Variants in NUP205 observed in about 807,000 individuals in gnomAD.
NUP205 encodes nuclear pore complex protein Nup205.
NUP205 carries 76 observed loss-of-function variants against 253.8 expected under a neutral mutation model. That is an observed-to-expected ratio of 0.30 (90% CI 0.25 to 0.36). The LOEUF is 0.36. Ranked by LOEUF, NUP205 falls within the 10% of genes least tolerant of loss-of-function variation. The pLI is 1.00. For synonymous variants in NUP205, 832 were observed against 850.1 expected, an observed-to-expected ratio of 0.98 and a Z score of 0.37; for missense variants, 2,162 against 2,425.5, an observed-to-expected ratio of 0.89 and a Z score of 2.28.
intron 10 of NUP205, 62 bp from the exon 11 acceptor site, chr7:135,591,388 G>C: frequency 7.0e-7 from 1 of 1,427,234 alleles, no homozygotes; most frequent in Non-Finnish European, 9.9e-7. Flanking sequence ...TTATTAGCTA[G>C]TCCGTGTTGC....
At position 135,625,177 on chromosome 7, in the gene NUP205, C is replaced by T. The variant is rs760298411; in HGVS notation, c.4493C>T (p.Ala1498Val). The T allele has an allele frequency of 6.2e-7, 1 of 1,612,466 alleles. No homozygotes were observed. The change falls in exon 32 of 43, where the codon GCT (alanine) becomes GTT (valine). Residue 1498 changes from alanine to valine, a missense_variant. This residue lies in a region of NUP205 where 1,144 missense variants were observed against 1,280.9 expected (regional missense o/e 0.89). Transcript: ENST00000285968. ...TTCTTCCTTCAGATGCTGGCCCTGG[C>T]TCTACTTGATAGAATTGTCTCCGTG... ...GHEIGRMLAL[A>V]LLDRIVSVDK...
At position 135,644,956 on chromosome 7, in the gene NUP205, T is replaced by C. The variant is rs770642136; in HGVS notation, c.5621T>C (p.Leu1874Pro). ...ATCTCCACTGCTCAGAAATATGTTC[T>C]AGCAAGACGGCGCTTGGTGAAGGTG... ...DKISTAQKYVLARRRLVKVIN... is the reference protein window; with the variant it reads ...DKISTAQKYVPARRRLVKVIN... Residue 1874 changes from leucine (L) to proline (P), a missense_variant, in exon 40 of 43, where the codon CTA (leucine) becomes CCA (proline). Physicochemically the swap from Leu to Pro is moderately conservative, Grantham distance 98 (BLOSUM62 -3). This residue lies in a region of NUP205 where 1,144 missense variants were observed against 1,280.9 expected (regional missense o/e 0.89). Coordinates refer to ENST00000285968, the MANE Select transcript of NUP205 (RefSeq NM_015135.3). The C allele has an allele frequency of 6.2e-7, 1 of 1,614,142 alleles. No individual in the cohort carries two copies. The highest frequency in any genetic ancestry group is 1.7e-5 in the Admixed American group (1 of 60,024).
rs1371164530 is a variant in NUP205, at chr7:135,578,935, T to C, written c.1042+20T>C. ...TGACAGGTGAATTGATTGTAGGTAA[T>C]TTTGTTATGAGAAACAGCATGTTAG... On this transcript the variant is annotated intron_variant, in intron 7 of 42. Coordinates refer to ENST00000285968, the MANE Select transcript of NUP205 (RefSeq NM_015135.3). The C allele has an allele frequency of 1.9e-6, 3 of 1,563,634 alleles. No homozygotes were observed. Among genetic ancestry groups the C allele is most frequent in the Non-Finnish European group, 2.6e-6 (3 of 1,158,372 alleles).
intron 27 of NUP205, 127 bp downstream of exon 27, chr7:135,617,809 G>A: frequency 4.1e-6 from 2 of 486,954 alleles, no homozygotes; most frequent in South Asian, 4.3e-5. Flanking sequence ...AAACATTTAG[G>A]GAGTCTTTCA....
rs182507826 is a variant in NUP205, at chr7:135,621,851, G to A, written c.4331-926G>A. ...AGAGCTTCACTCTGTAGCCCAAGCTGGAGTACAGCGGTGCGATCTCAGCTC... is the reference window on the plus strand; with the variant it reads ...AGAGCTTCACTCTGTAGCCCAAGCTAGAGTACAGCGGTGCGATCTCAGCTC... On this transcript the variant is annotated intron_variant, in intron 30 of 42. Coordinates refer to ENST00000285968, the MANE Select transcript of NUP205 (RefSeq NM_015135.3). 1.2e-3 allele frequency among the ~76,000 whole-genome samples: 175 copies of A among 152,162 alleles called. 1 individual carries two copies. The highest frequency in any genetic ancestry group is 4.1e-3 in the African/African-American group (169 of 41,532).
rs771556715 is a variant in NUP205 at position 135,619,506 on chromosome 7, C to A, written c.4047C>A (p.Ala1349=). Residue 1349 remains alanine, a synonymous_variant, in exon 29 of 43, where the codon GCC becomes GCA. Coordinates refer to ENST00000285968, the MANE Select transcript of NUP205 (RefSeq NM_015135.3). Reference sequence around the variant, plus strand: ...CACTGACTGCTCACCTAAGCCAGGCCGTCCTCACTGAACAGAAGGAAACAT... The same window carrying A: ...CACTGACTGCTCACCTAAGCCAGGCAGTCCTCACTGAACAGAAGGAAACAT... ...VFTLTAHLSQ[A]VLTEQKETSV... is the part of the protein sequence containing the mutation. The A allele has an allele frequency of 1.2e-6, 2 of 1,613,914 alleles. No individual in the cohort carries two copies. The highest frequency in any genetic ancestry group is 1.3e-5 in the African/African-American group (1 of 74,882).
chr7:135,588,054 G>A, intron 10 of NUP205, 62 bp downstream of exon 10: 10 of 1,409,208 alleles, frequency 7.1e-6, no homozygotes, highest in Non-Finnish European at 9.5e-6. Flanking sequence ...TTGAAAACAT[G>A]AAAGATATTA....
chr7:135,619,648 T>C lies in NUP205; in HGVS notation c.4189T>C (p.Tyr1397His), dbSNP rs775621523. 6 of 1,614,024 alleles carry C rather than the reference T, an allele frequency of 3.7e-6. No individual in the cohort carries two copies. In the Admixed American group the frequency reaches 6.7e-5, roughly 18 times the overall value. Residue 1397 changes from tyrosine to histidine, a missense_variant, in exon 29 of 43, where the codon TAC becomes CAC. Tyr to His is a moderately conservative substitution (Grantham distance 83, BLOSUM62 2). This residue lies in a region of NUP205 where 1,144 missense variants were observed against 1,280.9 expected (regional missense o/e 0.89). Transcript: ENST00000285968. ...GFASIGDSSL[Y>H]IILKKLLDFI... ...TGCTTCTATTGGAGATTCTTCACTT[T>C]ACATCATATTGAAGAAACTGTTAGA...
chr7:135,595,225 G>T (rs1001033538), intron 13 of NUP205, among the ~76,000 whole-genome samples: 24 of 143,012 alleles, frequency 1.7e-4, no homozygotes, highest in East Asian at 1.2e-3. Flanking sequence ...ACTGATTTTT[G>T]TTTTTTTTTT....
chr7:135,591,297 T>C (rs1410252869), intron 10 of NUP205, among the ~76,000 whole-genome samples, 153 bp from the exon 11 acceptor site: 2 of 152,242 alleles, frequency 1.3e-5, no homozygotes, highest in Non-Finnish European at 2.9e-5. Flanking sequence ...GCTTAAACAA[T>C]TTTTCATAAA....
intron 2 of NUP205, among the ~76,000 whole-genome samples, 186 bp downstream of exon 2, chr7:135,571,433 G>A (rs539872341): frequency 8.4e-4 from 127 of 150,612 alleles, no homozygotes; most frequent in African/African-American, 3.0e-3. Context: ...AAAAGACAGG[G>A]TCTAACTTTG....
chr7:135,576,375 T>A lies in NUP205; in HGVS notation c.449T>A (p.Ile150Lys). Residue 150 changes from isoleucine to lysine, a missense_variant, in exon 4 of 43, where the codon ATA (isoleucine) becomes AAA (lysine). Physicochemically the swap from Ile to Lys is moderately radical, Grantham distance 102 (BLOSUM62 -3). Transcript: ENST00000285968. Reference protein sequence around the residue: ...RCIANSLKALIQSRRGKTWTL... With the variant: ...RCIANSLKALKQSRRGKTWTL... ...ATTGCGAATTCCTTGAAAGCCTTGATACAGTCTAGACGGGGAAAGACATGG... is the reference window on the plus strand; with the variant it reads ...ATTGCGAATTCCTTGAAAGCCTTGAAACAGTCTAGACGGGGAAAGACATGG... The A allele has an allele frequency of 6.2e-7, 1 of 1,613,944 alleles. No homozygotes were observed. Among genetic ancestry groups the A allele is most frequent in the Non-Finnish European group, 8.5e-7 (1 of 1,179,900 alleles).
intron 35 of NUP205, among the ~76,000 whole-genome samples, chr7:135,631,728 AT>A (rs35634535): frequency 0.44 from 64,302 of 145,498 alleles, 14,164 homozygotes; most frequent in Non-Finnish European, 0.49. Flanking sequence ...ATCTCTTGGT[AT>A]TTTTTTTTTT....
At chr7:135,590,778 G>A (rs138963892) in intron 10 of NUP205, among the ~76,000 whole-genome samples, 1,725 of 151,486 alleles carry the variant, frequency 0.011, 23 homozygotes, top group African/African-American at 0.039. Context: ...TGATCTGCCC[G>A]CCTTGGCCTC....
intron 35 of NUP205, among the ~76,000 whole-genome samples, chr7:135,630,761 C>G (rs113895151): frequency 6.6e-6 from 1 of 151,824 alleles, no homozygotes; most frequent in Non-Finnish European, 1.5e-5. Flanking sequence ...CTGTCTCTAC[C>G]AAAAAATTTT....
intron 2 of NUP205, among the ~76,000 whole-genome samples, chr7:135,573,335 CTTA>C (rs1806054254): frequency 6.6e-6 from 1 of 151,838 alleles, no homozygotes; most frequent in Non-Finnish European, 1.5e-5. Context: ...ATTTGAAGAC[CTTA>C]TTATTTTTAT....
At chr7:135,566,033 T>C (rs542676675) in intron 1 of NUP205, among the ~76,000 whole-genome samples, 1 of 152,338 alleles carries the variant, frequency 6.6e-6, no homozygotes, top group Admixed American at 6.5e-5. Context: ...CATTCATTGA[T>C]TATTCTCTAA....
chr7:135,627,348 T>C (rs1336205246), intron 33 of NUP205, among the ~76,000 whole-genome samples: 1 of 152,268 alleles, frequency 6.6e-6, no homozygotes, highest in African/African-American at 2.4e-5. Context: ...TGAGCTTCTC[T>C]AATCTGAAAA....
In NUP205 at chr7:135,641,635, G is replaced by C. The variant is rs770142113; in HGVS notation, c.5393-1557G>C. On this transcript the variant is annotated intron_variant, in intron 38 of 42. Transcript: ENST00000285968. ...AAATACAAAAAAATTAGCTGGGTGT[G>C]GTGGCGTGCACCTTTAATCCTAGCT... Among the ~76,000 whole-genome samples the C allele has an allele frequency of 4.8e-5, 7 of 146,354 alleles. No homozygotes were observed. The South Asian group carries it at 1.5e-3, about 31-fold the overall frequency.
Sources: allele counts gnomAD v4.1 joint callset (sites outside exome capture counted in the v4.1 genomes callset), GRCh38; gene constraint gnomAD v4.1.1; regional missense constraint gnomAD v4.1.1; transcripts MANE v1.5; gene names NCBI Gene and HGNC (gene_info 2026-07-23, HGNC 2026-07-21).